CDH18: variants seen among roughly 807,000 people sequenced by gnomAD.
CDH18 encodes cadherin-18.
A neutral mutation model predicts 67.9 loss-of-function variants in CDH18; 31 were observed. The ratio of observed to expected loss-of-function variants is 0.46; its 90% CI spans 0.34 to 0.62. The LOEUF (loss-of-function observed/expected upper bound fraction) is 0.62. Among genes scored for constraint, CDH18 ranks in the 20% least tolerant of loss-of-function variants. The pLI is 0.01. For synonymous variants in CDH18, 362 were observed against 347.2 expected, an observed-to-expected ratio of 1.04 and a Z score of -0.48; for missense variants, 890 against 975.5, an observed-to-expected ratio of 0.91 and a Z score of 1.17.
intron 1 of CDH18, among the ~76,000 whole-genome samples, chr5:20,300,450 C>T (rs1747887123): frequency 6.6e-6 from 1 of 151,794 alleles, no homozygotes; most frequent in Non-Finnish European, 1.5e-5. Flanking sequence ...GATCTCATGT[C>T]CCACTAGGTT....
intron 10 of CDH18, among the ~76,000 whole-genome samples, chr5:19,511,085 T>A (rs2126827202): frequency 6.6e-6 from 1 of 152,224 alleles, no homozygotes; most frequent in African/African-American, 2.4e-5. Context: ...GTACTGGGAT[T>A]ACAGGCATGA....
In CDH18 at chr5:19,975,777, T is replaced by C. The variant is rs73762474; in HGVS notation, c.-257+5283A>G. 5.7e-3 allele frequency among the ~76,000 whole-genome samples: 864 copies of C among 152,322 alleles called. 8 individuals carry two copies. The highest frequency in any genetic ancestry group is 0.019 in the African/African-American group (806 of 41,582). ...GCATTTCTTTTAGTAAAAGAATGGC[T>C]ATCATTTCTAGGATGCTGACAAAGT... On this transcript the variant is annotated intron_variant, in intron 2 of 12. Transcript: ENST00000382275.
chr5:20,172,111 C>T (rs1736764605), intron 2 of CDH18, among the ~76,000 whole-genome samples: 1 of 143,358 alleles, frequency 7.0e-6, no homozygotes. Context: ...CCCACCCTAA[C>T]CACTAAATTT....
intron 5 of CDH18, among the ~76,000 whole-genome samples, chr5:19,655,075 G>T (rs1756151068): frequency 6.6e-6 from 1 of 152,160 alleles, no homozygotes; most frequent in Non-Finnish European, 1.5e-5. Context: ...TTCGCACTTA[G>T]CGCTGCAGTT....
At chr5:19,945,773 T>C (rs1009736277) in intron 2 of CDH18, among the ~76,000 whole-genome samples, 5 of 152,016 alleles carry the variant, frequency 3.3e-5, no homozygotes, top group Admixed American at 6.6e-5. Context: ...TGATAGTGCA[T>C]AGAATCAGTG....
At chr5:20,013,700 A>G (rs1388422537) in intron 2 of CDH18, among the ~76,000 whole-genome samples, 1 of 152,152 alleles carries the variant, frequency 6.6e-6, no homozygotes, top group East Asian at 1.9e-4. Context: ...GCATCAGAAT[A>G]CAATTTGGGT....
intron 1 of CDH18, among the ~76,000 whole-genome samples, chr5:20,537,548 G>C (rs917895771): frequency 2.6e-5 from 4 of 151,920 alleles, no homozygotes; most frequent in Admixed American, 2.0e-4. Context: ...TAAAAGCCTA[G>C]AAATAAAAGG....
At chr5:20,495,934 AC>A in intron 1 of CDH18, among the ~76,000 whole-genome samples, 1 of 152,312 alleles carries the variant, frequency 6.6e-6, no homozygotes, top group African/African-American at 2.4e-5. Context: ...TGACTAAGTC[AC>A]AAAATAAAAG....
chr5:19,892,438 C>T (rs1788874619), intron 2 of CDH18, among the ~76,000 whole-genome samples: 1 of 151,866 alleles, frequency 6.6e-6, no homozygotes, highest in African/African-American at 2.4e-5. Context: ...TGTTATTACC[C>T]TCATAATCAT....
At chr5:20,151,062 T>C (rs1751056816) in intron 2 of CDH18, among the ~76,000 whole-genome samples, 1 of 151,986 alleles carries the variant, frequency 6.6e-6, no homozygotes, top group African/African-American at 2.4e-5. Flanking sequence ...ATCTGAAATA[T>C]AGGGGGTTCC....
chr5:20,484,718 T>A (rs73062612), intron 1 of CDH18, among the ~76,000 whole-genome samples: 6,148 of 152,122 alleles, frequency 0.04, 401 homozygotes, highest in African/African-American at 0.14. Context: ...TTCCAGATGT[T>A]CTCAATTATT....
chr5:20,327,985 C>T (rs1377943277), intron 1 of CDH18, among the ~76,000 whole-genome samples: 1 of 152,000 alleles, frequency 6.6e-6, no homozygotes, highest in African/African-American at 2.4e-5. Flanking sequence ...GTTTTTATAG[C>T]TGGCAAAGGA....
intron 2 of CDH18, among the ~76,000 whole-genome samples, chr5:20,105,182 T>TC (rs1032444485): frequency 1.3e-5 from 2 of 152,078 alleles, no homozygotes; most frequent in African/African-American, 4.8e-5. Flanking sequence ...AGACCGGGTT[T>TC]CACCATGTTG....
intron 2 of CDH18, among the ~76,000 whole-genome samples, chr5:20,002,191 T>A (rs1736502186): frequency 6.6e-6 from 1 of 152,230 alleles, no homozygotes; most frequent in South Asian, 2.1e-4. Flanking sequence ...ATTAAAGGGA[T>A]CCAATTGATA....
At chr5:20,522,882 C>G (rs1016039103) in intron 1 of CDH18, among the ~76,000 whole-genome samples, 1 of 152,158 alleles carries the variant, frequency 6.6e-6, no homozygotes, top group Non-Finnish European at 1.5e-5. Context: ...CAATAACTCA[C>G]AGCCATATCA....
chr5:20,165,695 C>T (rs1736229222), intron 2 of CDH18, among the ~76,000 whole-genome samples: 2 of 152,038 alleles, frequency 1.3e-5, no homozygotes, highest in Non-Finnish European at 2.9e-5. Context: ...CCTAAACTAC[C>T]TAAAATATAT....
intron 2 of CDH18, among the ~76,000 whole-genome samples, chr5:20,056,470 T>C (rs547285102): frequency 6.3e-4 from 89 of 140,470 alleles, no homozygotes; most frequent in African/African-American, 2.3e-3. Flanking sequence ...CTTTATTTTC[T>C]TTCTTTTGTT....
intron 2 of CDH18, among the ~76,000 whole-genome samples, chr5:20,095,143 C>G (rs1006732477): frequency 9.9e-5 from 15 of 151,586 alleles, no homozygotes; most frequent in South Asian, 2.1e-4. Flanking sequence ...CATCACACAC[C>G]AGGCCCTGTC....
intron 1 of CDH18, among the ~76,000 whole-genome samples, chr5:20,467,367 T>A (rs1751710193): frequency 6.6e-6 from 1 of 152,102 alleles, no homozygotes; most frequent in Non-Finnish European, 1.5e-5. Context: ...CAAATGTGCT[T>A]CCTTCACTTA....
Sources: allele counts gnomAD v4.1 joint callset (sites outside exome capture counted in the v4.1 genomes callset), GRCh38; gene constraint gnomAD v4.1.1; transcripts MANE v1.5; gene names NCBI Gene and HGNC (gene_info 2026-07-23, HGNC 2026-07-21).